The following ZFP64 variants were observed in gnomAD, a reference collection of about 807,000 sequenced individuals.
The protein encoded by ZFP64 is zinc finger protein 64.
In ZFP64, 14 loss-of-function variants were observed where a neutral mutation model predicts 51.6. The observed-to-expected ratio is 0.27, with a 90% CI of 0.18 to 0.42. ZFP64 has a LOEUF of 0.42. Ranked by LOEUF, ZFP64 falls within the 10% of genes least tolerant of loss-of-function variation. ZFP64 has a pLI of 1.00. For synonymous variants in ZFP64, 375 were observed against 361.4 expected (o/e 1.04, Z -0.43); for missense variants, 754 against 906.8 (o/e 0.83, Z 2.16).
chr20:52,123,915 G>C (rs1979319865), intron 5 of ZFP64, among the ~76,000 whole-genome samples: 1 of 151,962 alleles, frequency 6.6e-6, no homozygotes, highest in African/African-American at 2.4e-5. Flanking sequence ...TGTCACCCAG[G>C]CTCAAGTGCA....
intron 5 of ZFP64, chr20:52,111,077 G>A (rs1275593975): frequency 3.4e-5 from 38 of 1,103,584 alleles, no homozygotes; most frequent in Non-Finnish European, 4.8e-5. Flanking sequence ...AGGAAGCCCA[G>A]GAGAAGGGGA....
In ZFP64 at chr20:52,166,023, A is replaced by C; in HGVS notation, c.289T>G (p.Ser97Ala). 1 of 1,606,266 alleles carries C rather than the reference A, an allele frequency of 6.2e-7. No individual in the cohort carries two copies. The change falls in exon 3 of 6, where the codon TCA becomes GCA. Residue 97 changes from serine to alanine, a missense_variant and splice_region_variant. By Grantham distance (99) the Ser-to-Ala change is moderately conservative. Transcript: ENST00000216923. ...ITSETQTITV[S>A]APEFVFEHGY... The stretch of plus-strand genomic sequence containing the variant: ...TGTTCAAAAACAAATTCTGGAGCTG[A>C]AACTAAAAGATATGGTGATTATTAA...
chr20:52,136,777 GT>G (rs962769202), intron 5 of ZFP64, among the ~76,000 whole-genome samples: 3 of 151,940 alleles, frequency 2.0e-5, no homozygotes, highest in Non-Finnish European at 4.4e-5. Context: ...TAATTATCTT[GT>G]TTTTTTGAGA....
chr20:52,096,274 G>A (rs1049169257), intron 7 of ZFP64, among the ~76,000 whole-genome samples: 1 of 152,136 alleles, frequency 6.6e-6, no homozygotes, highest in African/African-American at 2.4e-5. Flanking sequence ...CACAAGGGCC[G>A]CTGCTTCTGG....
intron 8 of ZFP64, chr20:52,088,345 A>C: frequency 6.3e-7 from 1 of 1,598,540 alleles, no homozygotes; most frequent in Non-Finnish European, 8.5e-7. Context: ...AAGGTTAAGA[A>C]ATTAGAGAAA....
chr20:52,103,875 G>C (rs1238041644), intron 5 of ZFP64, among the ~76,000 whole-genome samples: 1 of 152,186 alleles, frequency 6.6e-6, no homozygotes. Context: ...TATTCGTTTA[G>C]TGGAGGCTTC....
At chr20:52,183,684 G>A (rs756961195) in intron 2 of ZFP64, among the ~76,000 whole-genome samples, 11 of 152,038 alleles carry the variant, frequency 7.2e-5, no homozygotes, top group East Asian at 1.9e-4. Context: ...ACATACTTTT[G>A]TTAAGGTTTG....
chr20:52,098,652 C>G, intron 5 of ZFP64: 1 of 1,601,524 alleles, frequency 6.2e-7, no homozygotes, highest in Non-Finnish European at 8.5e-7. Context: ...TCTTAGAATA[C>G]AGTAGGTTTG....
At chr20:52,130,477 G>A (rs1256893814) in intron 5 of ZFP64, among the ~76,000 whole-genome samples, 1 of 152,086 alleles carries the variant, frequency 6.6e-6, no homozygotes, top group African/African-American at 2.4e-5. Flanking sequence ...GCCTCCCAAA[G>A]TGCTGGGATT....
intron 5 of ZFP64, among the ~76,000 whole-genome samples, chr20:52,145,319 A>G (rs1053840940): frequency 1.3e-5 from 2 of 152,222 alleles, no homozygotes; most frequent in African/African-American, 4.8e-5. Context: ...TGGTAACACA[A>G]TGGTAAGTAC....
In ZFP64 at chr20:52,151,492, A is replaced by T; in HGVS notation, c.*654T>A. On this transcript the variant is annotated 3_prime_UTR_variant, in exon 6 of 6. Coordinates refer to ENST00000216923, the MANE Select transcript of ZFP64 (RefSeq NM_018197.3). Reference sequence around the variant, plus strand: ...GAGGCTGGGAAGTACCATTTACTACACAAATGTAATAAGATGGACAGAAAC... The same window carrying T: ...GAGGCTGGGAAGTACCATTTACTACTCAAATGTAATAAGATGGACAGAAAC... The T allele has an allele frequency of 1.0e-6, 1 of 985,586 alleles. No individual in the cohort carries two copies. Among genetic ancestry groups the T allele is most frequent in the South Asian group, 4.7e-5 (1 of 21,288 alleles). The allele number at this position is 985,586 out of a possible 1,614,324, so 61.1% of individuals were successfully genotyped here. A position where few individuals can be genotyped will look rare whatever the true frequency, so the allele number is the denominator to read the frequency against.
chr20:52,176,575 T>C (rs2123092120), intron 2 of ZFP64, among the ~76,000 whole-genome samples: 1 of 150,354 alleles, frequency 6.7e-6, no homozygotes, highest in Non-Finnish European at 1.5e-5. Context: ...AGTGGCGCAA[T>C]CTCGGCTCAC....
intron 2 of ZFP64, among the ~76,000 whole-genome samples, chr20:52,170,144 G>T (rs1188346372): frequency 1.1e-4 from 17 of 151,728 alleles, no homozygotes; most frequent in Admixed American, 1.1e-3. Flanking sequence ...GAAGCATCAT[G>T]AGTGGGCAGG....
chr20:52,130,921 C>A (rs916758811), intron 5 of ZFP64, among the ~76,000 whole-genome samples: 7 of 151,920 alleles, frequency 4.6e-5, no homozygotes, highest in African/African-American at 1.7e-4. Flanking sequence ...AAAAAATTAG[C>A]CAGGCATTGT....
chr20:52,164,412 T>G (rs1982072890), intron 4 of ZFP64, among the ~76,000 whole-genome samples: 1 of 152,238 alleles, frequency 6.6e-6, no homozygotes, highest in Non-Finnish European at 1.5e-5. Flanking sequence ...GTTCAAATTT[T>G]AATTAATTTT....
intron 7 of ZFP64, among the ~76,000 whole-genome samples, chr20:52,091,458 T>C (rs1245928542): frequency 1.3e-5 from 2 of 152,104 alleles, no homozygotes; most frequent in East Asian, 1.9e-4. Context: ...TTAAAAAAAG[T>C]AGGAATATCA....
chr20:52,174,704 T>C (rs1327775827), intron 2 of ZFP64, among the ~76,000 whole-genome samples: 2 of 152,174 alleles, frequency 1.3e-5, no homozygotes, highest in Non-Finnish European at 2.9e-5. Context: ...GGAGGAGACA[T>C]CTAGGAATTG....
chr20:52,191,754 C>A lies in ZFP64; in HGVS notation c.-118G>T. On this transcript the variant is annotated 5_prime_UTR_variant, in exon 1 of 6. Coordinates refer to ENST00000216923, the MANE Select transcript of ZFP64 (RefSeq NM_018197.3). This position sits in a 1 kb window ranked among gnomAD's most constrained non-coding sequence, Gnocchi z 4.3. ...CACCCCCCACCCTGCCTTCTCCCAACTCTGCGAGGCGGGGAGGACGGATGT... is the reference window on the plus strand; with the variant it reads ...CACCCCCCACCCTGCCTTCTCCCAAATCTGCGAGGCGGGGAGGACGGATGT... 3 of 1,263,624 alleles carry A rather than the reference C, an allele frequency of 2.4e-6. No individual in the cohort carries two copies. The highest frequency in any genetic ancestry group is 3.1e-6 in the Non-Finnish European group (3 of 958,106). 78.3% of individuals were successfully genotyped at this position (1,263,624 alleles called of 1,614,324 possible).
At chr20:52,100,942 A>T (rs1359097645) in intron 5 of ZFP64, among the ~76,000 whole-genome samples, 1 of 152,184 alleles carries the variant, frequency 6.6e-6, no homozygotes, top group Non-Finnish European at 1.5e-5. Flanking sequence ...ACATCCTAGC[A>T]GTTGTGCTCG....
Sources: allele counts gnomAD v4.1 joint callset (sites outside exome capture counted in the v4.1 genomes callset), GRCh38; gene constraint gnomAD v4.1.1; non-coding constraint Gnocchi (gnomAD v3.1); transcripts MANE v1.5; gene names NCBI Gene and HGNC (gene_info 2026-07-23, HGNC 2026-07-21).